Variants in USP9X observed in about 807,000 individuals in gnomAD.
USP9X encodes ubiquitin specific peptidase 9 X-linked.
USP9X carries 7 observed loss-of-function variants against 190.3 expected under a neutral mutation model. The observed-to-expected ratio is 0.04, with a 90% confidence interval of 0.02 to 0.07. The LOEUF (loss-of-function observed/expected upper bound fraction) is 0.07. Among genes scored for constraint, USP9X ranks in the 10% least tolerant of loss-of-function variants. The pLI is 1.00. For synonymous variants in USP9X, 645 were observed against 659.5 expected, an observed-to-expected ratio of 0.98 and a Z score of 0.34; for missense variants, 1,010 against 1,916.9, an observed-to-expected ratio of 0.53 and a Z score of 8.83.
chrX:41,088,106 C>T (rs922046166), intron 1 of USP9X, among the ~76,000 whole-genome samples: 2 of 112,103 alleles, frequency 1.8e-5, no homozygotes, highest in Non-Finnish European at 3.8e-5. Flanking sequence ...GCCTCAGCCT[C>T]CCTGGTAGCT....
At chrX:41,114,792 T>C (rs1288082229) in intron 1 of USP9X, among the ~76,000 whole-genome samples, 1 of 110,697 alleles carries the variant, frequency 9.0e-6, no homozygotes, top group Non-Finnish European at 1.9e-5. Context: ...TCTGAGTTTC[T>C]TTTTTTCTCT....
At chrX:41,134,627 A>G in intron 4 of USP9X, 98 bp from the exon 5 acceptor site, 1 of 644,773 alleles carries the variant, frequency 1.6e-6, no homozygotes, top group Non-Finnish European at 2.4e-6. Context: ...CTGTCGGTGA[A>G]GTTTCCAGTT....
At chrX:41,170,695 GTTCT>G (rs2062717887) in intron 20 of USP9X, 76 bp downstream of exon 20, 1 of 1,007,076 alleles carries the variant, frequency 9.9e-7, no homozygotes, top group Admixed American at 3.8e-5. Context: ...ATATAGAGTG[GTTCT>G]TTCTTTTCTT....
intron 21 of USP9X, among the ~76,000 whole-genome samples, chrX:41,175,410 A>G (rs754767879): frequency 4.5e-5 from 5 of 110,538 alleles, no homozygotes; most frequent in Non-Finnish European, 7.6e-5. Context: ...AGTCCCAGCT[A>G]CTTGGGAGGC....
intron 23 of USP9X, among the ~76,000 whole-genome samples, chrX:41,185,864 G>T (rs766885699): frequency 9.0e-6 from 1 of 110,776 alleles, no homozygotes; most frequent in South Asian, 3.8e-4. Flanking sequence ...ATCTCAACGA[G>T]CTCACAGTAG....
In USP9X at chrX:41,235,517, T is replaced by G. The variant is rs958799702; in HGVS notation, c.*2993T>G. On this transcript the variant is annotated 3_prime_UTR_variant, in exon 45 of 45. Coordinates refer to ENST00000378308, the MANE Select transcript of USP9X (RefSeq NM_001039591.3). The stretch of plus-strand genomic sequence containing the variant: ...TAAATGACACGATTATAGAAGACAG[T>G]AGAATGTGTTACCATAAAGACTGAA... 1 of 112,847 alleles carries G rather than the reference T, an allele frequency of 8.9e-6. No homozygotes were observed. The highest frequency in any genetic ancestry group is 3.6e-4 in the South Asian group (1 of 2,787). The allele number at this position is 112,847 out of a possible 1,213,427, so 9.3% of individuals were successfully genotyped here.
At chrX:41,110,293 G>T (rs1308920179) in intron 1 of USP9X, among the ~76,000 whole-genome samples, 5 of 112,272 alleles carry the variant, frequency 4.5e-5, no homozygotes, top group African/African-American at 1.6e-4. Flanking sequence ...TTGTGTCTTA[G>T]TTCCTTGATA....
intron 1 of USP9X, among the ~76,000 whole-genome samples, chrX:41,116,965 T>C (rs1343068142): frequency 8.9e-6 from 1 of 111,890 alleles, no homozygotes. Flanking sequence ...TCTTGCATCT[T>C]AGTGTGCTGA....
chrX:41,208,484 A>G (rs1192668766), intron 32 of USP9X, among the ~76,000 whole-genome samples: 5 of 111,161 alleles, frequency 4.5e-5, no homozygotes, highest in Non-Finnish European at 9.4e-5. Context: ...CACATAATCT[A>G]CTCTTGACAC....
intron 1 of USP9X, among the ~76,000 whole-genome samples, chrX:41,101,897 T>C (rs1200270251): frequency 8.9e-6 from 1 of 111,811 alleles, no homozygotes; most frequent in Admixed American, 9.5e-5. Context: ...TTTGAAAATG[T>C]TATGCTTAAG....
At chrX:41,198,325 T>A (rs1333763712) in intron 29 of USP9X, among the ~76,000 whole-genome samples, 1 of 108,106 alleles carries the variant, frequency 9.3e-6, no homozygotes, top group African/African-American at 3.3e-5. Context: ...ACAAATTTAT[T>A]TAACCTGCGA....
Position 41,235,127 on chromosome X carries a change from C to T in USP9X, c.*2603C>T, listed in dbSNP as rs756746133. 94 of 112,075 alleles carry T rather than the reference C, an allele frequency of 8.4e-4. No homozygotes were observed. The highest frequency in any genetic ancestry group is 3.0e-3 in the African/African-American group (91 of 30,827). The allele number at this position is 112,075 out of a possible 1,213,427, so 9.2% of individuals were successfully genotyped here. A position where few individuals can be genotyped will look rare whatever the true frequency, so the allele number is the denominator to read the frequency against. On this transcript the variant is annotated 3_prime_UTR_variant, in exon 45 of 45. Coordinates refer to ENST00000378308, the MANE Select transcript of USP9X (RefSeq NM_001039591.3). ...ACCTTGGTTGCTTTGAAGTTACAAG[C>T]CCCCTTGTGCCAGGTGAGGGGCTTG... is the stretch of plus-strand genomic sequence containing the variant.
chrX:41,181,507 GGCGCAGTCTC>G (rs1490086439), intron 21 of USP9X, among the ~76,000 whole-genome samples: 2 of 95,299 alleles, frequency 2.1e-5, no homozygotes, highest in East Asian at 6.8e-4. Flanking sequence ...GCAATGCAGT[GGCGCAGTCTC>G]TGCTTACTGC....
At chrX:41,133,433 G>C (rs1026761738) in intron 4 of USP9X, among the ~76,000 whole-genome samples, 1 of 111,580 alleles carries the variant, frequency 9.0e-6, no homozygotes, top group Non-Finnish European at 1.9e-5. Context: ...CATACAATGC[G>C]TAATAATCAC....
At chrX:41,118,000 G>A (rs901378084) in intron 1 of USP9X, among the ~76,000 whole-genome samples, 1 of 111,285 alleles carries the variant, frequency 9.0e-6, no homozygotes, top group African/African-American at 3.3e-5. Flanking sequence ...TGGGATTACA[G>A]GTGTGCGCCA....
Position 41,086,098 on chromosome X carries a change from C to G in USP9X, c.-170C>G. ...GTGTGCCCTGGTTGTGAGAAGACGT[C>G]TGTGTCGTGCGGTGAGTGGCCAGCT... On this transcript the variant is annotated 5_prime_UTR_variant, in exon 1 of 45. Coordinates refer to ENST00000378308, the MANE Select transcript of USP9X (RefSeq NM_001039591.3). The G allele has an allele frequency of 3.4e-6, 1 of 297,290 alleles. No individual in the cohort carries two copies. Among genetic ancestry groups the G allele is most frequent in the Non-Finnish European group, 5.9e-6 (1 of 170,370 alleles). 24.5% of individuals were successfully genotyped at this position (297,290 alleles called of 1,213,427 possible).
chrX:41,177,143 T>A (rs2062781562), intron 21 of USP9X, among the ~76,000 whole-genome samples: 1 of 112,071 alleles, frequency 8.9e-6, no homozygotes, highest in Non-Finnish European at 1.9e-5. Flanking sequence ...CTCACTTACA[T>A]TAACATAGTA....
chrX:41,099,103 T>TTTTTTTTTTG (rs2062016543), intron 1 of USP9X, among the ~76,000 whole-genome samples: 1 of 78,865 alleles, frequency 1.3e-5, no homozygotes, highest in Non-Finnish European at 2.3e-5. Flanking sequence ...ATTGTTTTTT[T>TTTTTTTTTTG]TTTTTTTTTT....
chrX:41,172,117 G>A (rs895535914), intron 21 of USP9X, among the ~76,000 whole-genome samples, 159 bp downstream of exon 21: 1 of 110,706 alleles, frequency 9.0e-6, no homozygotes, highest in Non-Finnish European at 1.9e-5. Flanking sequence ...TTGTTTTTGT[G>A]CATCCCAAGA....
Sources: gnomAD v4.1 joint callset for allele counts (sites outside exome capture counted in the v4.1 genomes callset) on GRCh38, gnomAD v4.1.1 for gene constraint, MANE v1.5 for transcripts, NCBI Gene and HGNC (gene_info 2026-07-23, HGNC 2026-07-21) for gene names.